ATP8A2: variants seen among roughly 807,000 people sequenced by gnomAD.
ATP8A2 encodes the protein phospholipid-transporting ATPase IB.
ATP8A2 carries 100 observed loss-of-function variants against 165.6 expected under a neutral mutation model. The observed-to-expected ratio is 0.60, with a 90% CI of 0.51 to 0.71. The LOEUF (loss-of-function observed/expected upper bound fraction) is 0.71. Among genes scored for constraint, ATP8A2 ranks in the 30% least tolerant of loss-of-function variants. The probability of loss-of-function intolerance (pLI) is 0.00; values close to 1 mark genes in which losing one functional copy is unlikely to be tolerated. For missense variants in ATP8A2, 1,227 were observed against 1,479.5 expected, an observed-to-expected ratio of 0.83 and a Z score of 2.80; for synonymous variants, 543 against 548.8, an observed-to-expected ratio of 0.99 and a Z score of 0.15.
intron 35 of ATP8A2, among the ~76,000 whole-genome samples, chr13:25,991,262 T>G (rs944233495): frequency 6.6e-6 from 1 of 152,212 alleles, no homozygotes; most frequent in Admixed American, 6.5e-5. Flanking sequence ...CTTTTTTAAT[T>G]TAAACTTTTT....
At chr13:25,883,495 A>C (rs945141313) in intron 33 of ATP8A2, among the ~76,000 whole-genome samples, 2 of 152,220 alleles carry the variant, frequency 1.3e-5, no homozygotes, top group African/African-American at 4.8e-5. Flanking sequence ...CACCCACTGG[A>C]CTGTCAGGAG....
chr13:25,975,395 G>A (rs888541137), intron 35 of ATP8A2, among the ~76,000 whole-genome samples: 1 of 151,332 alleles, frequency 6.6e-6, no homozygotes, highest in African/African-American at 2.4e-5. Context: ...GGCTAACACA[G>A]TGAAATCCCG....
intron 33 of ATP8A2, among the ~76,000 whole-genome samples, chr13:25,906,467 T>C (rs967312727): frequency 6.6e-6 from 1 of 151,990 alleles, no homozygotes; most frequent in African/African-American, 2.4e-5. Flanking sequence ...TGCCCCACCT[T>C]AGCAATTCCC....
chr13:25,940,744 C>T (rs995823250), intron 33 of ATP8A2, among the ~76,000 whole-genome samples: 24 of 152,316 alleles, frequency 1.6e-4, no homozygotes, highest in Admixed American at 4.6e-4. Flanking sequence ...CAGGTGCAGG[C>T]GGCCCTCCCC....
intron 1 of ATP8A2, among the ~76,000 whole-genome samples, chr13:25,395,552 C>CAA (rs1160042857): frequency 6.6e-6 from 1 of 152,130 alleles, no homozygotes; most frequent in Non-Finnish European, 1.5e-5. Flanking sequence ...TTAGGTTTAA[C>CAA]AAAGTATGGA....
intron 36 of ATP8A2, among the ~76,000 whole-genome samples, chr13:26,014,873 T>A (rs1446245731): frequency 1.3e-5 from 2 of 152,208 alleles, no homozygotes; most frequent in Non-Finnish European, 2.9e-5. Flanking sequence ...TACACAGTCC[T>A]GTGAGTCTTC....
rs571790045 is a variant in ATP8A2, at chr13:25,521,477, C to T, written c.222-8522C>T. Among the ~76,000 whole-genome samples, 210 of 152,166 alleles carry T rather than the reference C, an allele frequency of 1.4e-3. 1 individual carries two copies. Among genetic ancestry groups the T allele is most frequent in the African/African-American group, 4.9e-3 (203 of 41,522 alleles). On this transcript the variant is annotated intron_variant, in intron 2 of 36. Transcript: ENST00000381655. ...AGACCAATGTCCTGGAGTATTTCCC[C>T]AATGTTTTATTTTAGTAATTCTCAG...
intron 33 of ATP8A2, among the ~76,000 whole-genome samples, chr13:25,874,109 T>C (rs1952757668): frequency 1.3e-5 from 2 of 152,210 alleles, no homozygotes; most frequent in Admixed American, 1.3e-4. Flanking sequence ...AATGTAAGTC[T>C]GATGTCATTG....
chr13:25,508,082 A>G (rs2037107850), intron 2 of ATP8A2, among the ~76,000 whole-genome samples: 1 of 152,240 alleles, frequency 6.6e-6, no homozygotes, highest in Non-Finnish European at 1.5e-5. Context: ...AGTACTGTAA[A>G]AAAAAACTGT....
At chr13:25,391,614 C>A (rs1308401512) in intron 1 of ATP8A2, among the ~76,000 whole-genome samples, 2 of 152,212 alleles carry the variant, frequency 1.3e-5, no homozygotes, top group Non-Finnish European at 2.9e-5. Flanking sequence ...AGGAAGCTCA[C>A]CTTGCCATCT....
intron 26 of ATP8A2, among the ~76,000 whole-genome samples, chr13:25,773,288 A>G (rs2044666279): frequency 2.0e-5 from 3 of 152,150 alleles, no homozygotes. Context: ...AGGCATATCA[A>G]ATGTGTAGAA....
In ATP8A2 at chr13:25,372,107, C is replaced by A; in HGVS notation, c.-106C>A. 1.3e-6 allele frequency: 1 copy of A among 755,520 alleles called. No individual in the cohort carries two copies. 46.8% of individuals were successfully genotyped at this position (755,520 alleles called of 1,614,324 possible). A position where few individuals can be genotyped will look rare whatever the true frequency, so the allele number is the denominator to read the frequency against. On this transcript the variant is annotated 5_prime_UTR_variant, in exon 1 of 37. Transcript: ENST00000381655. The surrounding 1 kb of genome is among the most constrained non-coding windows in gnomAD (Gnocchi z 4.8). ...CGGTCCCCGCCAGCTAGCAGCCCGG[C>A]GAGGCGCTGGCCCACCCATGGTCCT...
At chr13:25,721,080 C>T (rs892075275) in intron 25 of ATP8A2, among the ~76,000 whole-genome samples, 18 of 151,584 alleles carry the variant, frequency 1.2e-4, no homozygotes, top group Admixed American at 3.9e-4. Context: ...CTCAGCCTCC[C>T]GAATAGCTGT....
intron 34 of ATP8A2, 151 bp downstream of exon 34, chr13:25,961,814 T>C: frequency 1.6e-6 from 1 of 617,788 alleles, no homozygotes; most frequent in Non-Finnish European, 2.9e-6. Flanking sequence ...AAAAAATTTT[T>C]TTAGTTTAAC....
chr13:25,614,804 G>T (rs1214572823), intron 24 of ATP8A2, among the ~76,000 whole-genome samples: 1 of 152,212 alleles, frequency 6.6e-6, no homozygotes, highest in African/African-American at 2.4e-5. Context: ...AGAGCTGCCT[G>T]GCTCCAGGCT....
chr13:25,834,936 A>G (rs967750924), intron 28 of ATP8A2, among the ~76,000 whole-genome samples: 1 of 152,068 alleles, frequency 6.6e-6, no homozygotes, highest in Non-Finnish European at 1.5e-5. Flanking sequence ...CAGGAGCTAC[A>G]TGACTGGCCA....
chr13:25,625,806 A>G (rs2041085557), intron 24 of ATP8A2, among the ~76,000 whole-genome samples: 1 of 152,192 alleles, frequency 6.6e-6, no homozygotes, highest in African/African-American at 2.4e-5. Context: ...TAACTCAATT[A>G]TTTTTATTTA....
intron 33 of ATP8A2, among the ~76,000 whole-genome samples, chr13:25,954,969 G>A (rs1417483015): frequency 2.6e-5 from 4 of 152,180 alleles, no homozygotes; most frequent in Non-Finnish European, 4.4e-5. Flanking sequence ...TTCCTCACCA[G>A]CAAGGGAACA....
chr13:26,004,710 G>A (rs1956706432), intron 35 of ATP8A2, among the ~76,000 whole-genome samples: 1 of 151,908 alleles, frequency 6.6e-6, no homozygotes, highest in South Asian at 2.1e-4. Flanking sequence ...GTTTTATCAT[G>A]AAGAGGTGTT....
Sources: allele counts gnomAD v4.1 joint callset (sites outside exome capture counted in the v4.1 genomes callset), GRCh38; gene constraint gnomAD v4.1.1; non-coding constraint Gnocchi (gnomAD v3.1); transcripts MANE v1.5; gene names NCBI Gene and HGNC (gene_info 2026-07-23, HGNC 2026-07-21).